Variants in CDYL2 observed in about 807,000 individuals in gnomAD.
CDYL2 encodes the protein chromodomain Y like 2, also known as chromodomain Y-like protein 2.
A neutral mutation model predicts 49.4 loss-of-function variants in CDYL2; 23 were observed. The observed-to-expected ratio is 0.47, with a 90% confidence interval of 0.34 to 0.66. The LOEUF is 0.66. CDYL2 is among the 30% of genes least tolerant of loss of function. The pLI is 0.01. For missense variants in CDYL2, 678 were observed against 656.4 expected, an observed-to-expected ratio of 1.03 and a Z score of -0.36; for synonymous variants, 360 against 268.8, an observed-to-expected ratio of 1.34 and a Z score of -3.32.
intron 1 of CDYL2, among the ~76,000 whole-genome samples, chr16:80,690,002 T>A (rs1214037857): frequency 6.6e-6 from 1 of 151,696 alleles, no homozygotes; most frequent in African/African-American, 2.4e-5. Context: ...ATGTCTGTAA[T>A]CCCAGCTACT....
chr16:80,653,192 G>A (rs974945944), intron 2 of CDYL2, among the ~76,000 whole-genome samples: 19 of 152,314 alleles, frequency 1.2e-4, no homozygotes, highest in Admixed American at 5.2e-4. Context: ...TTGGCTGGGC[G>A]CGATGGCTCA....
chr16:80,666,616 C>A (rs1414903765), intron 2 of CDYL2, among the ~76,000 whole-genome samples: 1 of 152,166 alleles, frequency 6.6e-6, no homozygotes, highest in Non-Finnish European at 1.5e-5. Flanking sequence ...GGAAGGGAAT[C>A]CTGTCGTTGC....
intron 1 of CDYL2, among the ~76,000 whole-genome samples, chr16:80,740,782 T>C (rs1341334275): frequency 1.3e-5 from 2 of 151,552 alleles, no homozygotes; most frequent in East Asian, 1.9e-4. Context: ...CTTAGAAATA[T>C]ATTTAATGAG....
At chr16:80,651,857 C>G (rs1399309956) in intron 2 of CDYL2, among the ~76,000 whole-genome samples, 1 of 152,152 alleles carries the variant, frequency 6.6e-6, no homozygotes, top group Non-Finnish European at 1.5e-5. Flanking sequence ...TACTTGTATA[C>G]TGGAATTGAA....
chr16:80,764,932 C>T (rs904347590), intron 1 of CDYL2, among the ~76,000 whole-genome samples: 7 of 150,588 alleles, frequency 4.6e-5, no homozygotes, highest in Admixed American at 6.6e-5. Flanking sequence ...CAGTGGTTGG[C>T]GCCTGTAGTC....
intron 4 of CDYL2, among the ~76,000 whole-genome samples, chr16:80,614,869 G>GA (rs57112645): frequency 0.045 from 3,228 of 71,238 alleles, 58 homozygotes; most frequent in East Asian, 0.088. Context: ...GTCTCAGGGA[G>GA]AAAAAAAAAA....
At chr16:80,731,383 T>C (rs530995829) in intron 1 of CDYL2, among the ~76,000 whole-genome samples, 9 of 152,176 alleles carry the variant, frequency 5.9e-5, no homozygotes, top group African/African-American at 2.2e-4. Context: ...AACATCTGAA[T>C]AACAAAAGTT....
intron 2 of CDYL2, among the ~76,000 whole-genome samples, chr16:80,658,746 T>C (rs960469296): frequency 2.0e-5 from 3 of 152,230 alleles, no homozygotes; most frequent in Admixed American, 2.0e-4. Flanking sequence ...ATGAGCTATG[T>C]AGATCCCACA....
intron 2 of CDYL2, among the ~76,000 whole-genome samples, chr16:80,642,568 G>A (rs560221904): frequency 2.0e-5 from 3 of 152,192 alleles, no homozygotes; most frequent in South Asian, 2.1e-4. Context: ...CCGTTTTCAC[G>A]CTGCTGACAA....
intron 1 of CDYL2, among the ~76,000 whole-genome samples, chr16:80,766,704 A>C (rs917967695): frequency 1.3e-5 from 2 of 152,218 alleles, no homozygotes; most frequent in Non-Finnish European, 2.9e-5. Flanking sequence ...AGATAGATAG[A>C]TCATATATCT....
intron 1 of CDYL2, among the ~76,000 whole-genome samples, chr16:80,792,711 C>T (rs993690311): frequency 8.5e-5 from 13 of 152,112 alleles, no homozygotes; most frequent in Admixed American, 2.6e-4. Flanking sequence ...ATCACGTATC[C>T]ACCCAGGAGT....
At chr16:80,763,743 T>C (rs1189983193) in intron 1 of CDYL2, among the ~76,000 whole-genome samples, 1 of 152,230 alleles carries the variant, frequency 6.6e-6, no homozygotes, top group African/African-American at 2.4e-5. Context: ...AGTCCCAAAA[T>C]AATTTGCAGA....
rs1235880180 is a variant in CDYL2 at position 80,599,562 on chromosome 16, A to G, written c.*4826T>C. ...ATGGCTTGATACACATAGTTCATTG[A>G]TAAGACACTGAGGACACATGGGAAT... On this transcript the variant is annotated 3_prime_UTR_variant, in exon 7 of 7. Transcript: ENST00000570137. The G allele has an allele frequency of 6.6e-6, 1 of 152,196 alleles. No homozygotes were observed. Among genetic ancestry groups the G allele is most frequent in the Non-Finnish European group, 1.5e-5 (1 of 68,032 alleles). 9.4% of individuals were successfully genotyped at this position (152,196 alleles called of 1,614,324 possible).
chr16:80,804,217 C>A lies in CDYL2; in HGVS notation c.-44G>T. 7.5e-7 allele frequency: 1 copy of A among 1,339,998 alleles called. No individual in the cohort carries two copies. Among genetic ancestry groups the A allele is most frequent in the Non-Finnish European group, 9.8e-7 (1 of 1,018,448 alleles). The allele number at this position is 1,339,998 out of a possible 1,614,324, so 83.0% of individuals were successfully genotyped here. On this transcript the variant is annotated 5_prime_UTR_variant, in exon 1 of 7. Coordinates refer to ENST00000570137, the MANE Select transcript of CDYL2 (RefSeq NM_152342.4). ...GCTCGCCGGTGTGCGCGTCTGCTCG[C>A]TCGCGCCCTCCGTGCGTGTGCGCGC... is the stretch of plus-strand genomic sequence containing the variant.
At chr16:80,798,032 T>G (rs1314436548) in intron 1 of CDYL2, among the ~76,000 whole-genome samples, 1 of 151,874 alleles carries the variant, frequency 6.6e-6, no homozygotes, top group Admixed American at 6.6e-5. Context: ...GTTGTTGTTG[T>G]TTGTTTGTTT....
rs151208306 is a variant in CDYL2, at chr16:80,741,821, G to C, written c.25-56692C>G. Among the ~76,000 whole-genome samples the C allele has an allele frequency of 9.1e-4, 139 of 152,312 alleles. No individual in the cohort carries two copies. The East Asian group carries it at 0.025, about 27-fold the overall frequency. ...AGGTAAAATGGGCATTCTCATACGG[G>C]GGAGCTGTTAATGTTGGACTAATTT... On this transcript the variant is annotated intron_variant, in intron 1 of 6. Transcript: ENST00000570137.
intron 4 of CDYL2, among the ~76,000 whole-genome samples, chr16:80,613,337 G>C (rs952675879): frequency 2.6e-5 from 4 of 152,192 alleles, no homozygotes; most frequent in African/African-American, 9.7e-5. Context: ...ATTCCTGGAG[G>C]TATTTGCATT....
chr16:80,645,462 A>T (rs561564648), intron 2 of CDYL2, among the ~76,000 whole-genome samples: 1 of 152,154 alleles, frequency 6.6e-6, no homozygotes, highest in African/African-American at 2.4e-5. Context: ...TTAGAATGGC[A>T]ATCATTAAAA....
chr16:80,760,785 T>C (rs370452055), intron 1 of CDYL2, among the ~76,000 whole-genome samples: 3 of 151,468 alleles, frequency 2.0e-5, no homozygotes, highest in South Asian at 2.1e-4. Context: ...GAATGCAGGA[T>C]AGATGAAATT....
Sources: gnomAD v4.1 joint callset for allele counts (sites outside exome capture counted in the v4.1 genomes callset) on GRCh38, gnomAD v4.1.1 for gene constraint, MANE v1.5 for transcripts, NCBI Gene and HGNC (gene_info 2026-07-23, HGNC 2026-07-21) for gene names.